The following RFX3 variants were observed in gnomAD, a reference collection of about 807,000 sequenced individuals.
RFX3 encodes transcription factor RFX3.
RFX3 carries 14 observed loss-of-function variants against 98.6 expected under a neutral mutation model. The ratio of observed to expected loss-of-function variants is 0.14; its 90% CI spans 0.09 to 0.22. The LOEUF is 0.22. Among genes scored for constraint, RFX3 ranks in the 10% least tolerant of loss-of-function variants. The pLI is 1.00. For missense variants in RFX3, 639 were observed against 926.9 expected, an observed-to-expected ratio of 0.69 and a Z score of 4.03; for synonymous variants, 383 against 328.4, an observed-to-expected ratio of 1.17 and a Z score of -1.80.
At chr9:3,288,042 T>A (rs1203253088) in intron 7 of RFX3, 89 bp downstream of exon 7, 1 of 1,214,446 alleles carries the variant, frequency 8.2e-7, no homozygotes, top group Admixed American at 2.0e-5. Flanking sequence ...AACGTTCTTT[T>A]ATACTTAGGT....
intron 1 of RFX3, among the ~76,000 whole-genome samples, chr9:3,465,507 T>G (rs1241824040): frequency 6.6e-6 from 1 of 151,092 alleles, no homozygotes; most frequent in Non-Finnish European, 1.5e-5. Context: ...TCTCACCATT[T>G]TAGCCAGCCT....
At chr9:3,524,812 C>A (rs556943754) in intron 1 of RFX3, among the ~76,000 whole-genome samples, 1 of 143,784 alleles carries the variant, frequency 7.0e-6, no homozygotes, top group Admixed American at 7.2e-5. Flanking sequence ...GCCCTGCATC[C>A]GGTTTAAATC....
chr9:3,227,259 T>G (rs1817885407), intron 16 of RFX3, among the ~76,000 whole-genome samples: 1 of 152,174 alleles, frequency 6.6e-6, no homozygotes, highest in Admixed American at 6.5e-5. Flanking sequence ...CCTCTGTCTA[T>G]TTTGTTGTGG....
At chr9:3,469,171 GA>G (rs751582670) in intron 1 of RFX3, 21 of 455,314 alleles carry the variant, frequency 4.6e-5, no homozygotes, top group South Asian at 3.3e-4. Context: ...GAGAAAGAAA[GA>G]AATACATGTC....
chr9:3,347,000 A>G (rs1834507703), intron 2 of RFX3, among the ~76,000 whole-genome samples: 1 of 152,222 alleles, frequency 6.6e-6, no homozygotes, highest in South Asian at 2.1e-4. Flanking sequence ...ATGTATAGAC[A>G]CATTTCAACT....
intron 1 of RFX3, among the ~76,000 whole-genome samples, chr9:3,522,891 G>A (rs1012481619): frequency 6.6e-6 from 1 of 152,100 alleles, no homozygotes; most frequent in African/African-American, 2.4e-5. Flanking sequence ...AAAATAAACT[G>A]TTCCAGGTTA....
chr9:3,519,887 T>C (rs971220950), intron 1 of RFX3, among the ~76,000 whole-genome samples: 1 of 151,750 alleles, frequency 6.6e-6, no homozygotes, highest in African/African-American at 2.4e-5. Context: ...CTATAAAGTA[T>C]ACTTTCAAAA....
chr9:3,337,054 G>A (rs541715249), intron 3 of RFX3, among the ~76,000 whole-genome samples: 3 of 152,144 alleles, frequency 2.0e-5, no homozygotes, highest in Non-Finnish European at 4.4e-5. Context: ...ATTTTGATTT[G>A]GGCTGGGATA....
intron 2 of RFX3, among the ~76,000 whole-genome samples, chr9:3,369,791 G>A (rs1209002660): frequency 6.6e-6 from 1 of 152,062 alleles, no homozygotes; most frequent in Admixed American, 6.5e-5. Context: ...AATTAATGAC[G>A]AATTAGATTT....
At chr9:3,406,712 A>T (rs958653017) in intron 1 of RFX3, among the ~76,000 whole-genome samples, 3 of 152,138 alleles carry the variant, frequency 2.0e-5, no homozygotes, top group African/African-American at 7.2e-5. Context: ...AATTTTTTAA[A>T]ATTCTACATA....
chr9:3,312,062 T>C (rs1830025169), intron 4 of RFX3, among the ~76,000 whole-genome samples: 1 of 152,216 alleles, frequency 6.6e-6, no homozygotes, highest in Non-Finnish European at 1.5e-5. Flanking sequence ...ATAATGTAGG[T>C]ACTGACCAGC....
In RFX3 at chr9:3,496,083, T is replaced by C. The variant is rs944390323; in HGVS notation, c.-9+29664A>G. On this transcript the variant is annotated intron_variant, in intron 1 of 16. Transcript: ENST00000617270. ...GCTATATTCATTTTCAGTTCTCTTA[T>C]ATCAACATTGTAAGGTGCTTACACA... 7.9e-5 allele frequency among the ~76,000 whole-genome samples: 12 copies of C among 152,166 alleles called. No homozygotes were observed. The East Asian group carries it at 1.2e-3, about 15-fold the overall frequency.
At chr9:3,401,166 C>A (rs765106840) in intron 1 of RFX3, among the ~76,000 whole-genome samples, 2 of 152,158 alleles carry the variant, frequency 1.3e-5, no homozygotes, top group Non-Finnish European at 2.9e-5. Context: ...CCAACTAATA[C>A]GTATTTTTCC....
At chr9:3,459,429 T>C (rs1847484973) in intron 1 of RFX3, among the ~76,000 whole-genome samples, 1 of 152,132 alleles carries the variant, frequency 6.6e-6, no homozygotes, top group African/African-American at 2.4e-5. Context: ...GACAAGATCC[T>C]ACTGATTAAA....
chr9:3,329,908 C>A (rs1252578457), intron 4 of RFX3, among the ~76,000 whole-genome samples: 1 of 152,066 alleles, frequency 6.6e-6, no homozygotes, highest in Non-Finnish European at 1.5e-5. Flanking sequence ...TACTGCCTGG[C>A]TTTTATCTCA....
At chr9:3,443,004 T>G (rs896781558) in intron 1 of RFX3, among the ~76,000 whole-genome samples, 1 of 152,048 alleles carries the variant, frequency 6.6e-6, no homozygotes, top group Non-Finnish European at 1.5e-5. Context: ...TCCATAAATG[T>G]AAAGAACTCT....
At chr9:3,463,580 A>G (rs1174080372) in intron 1 of RFX3, among the ~76,000 whole-genome samples, 1 of 152,192 alleles carries the variant, frequency 6.6e-6, no homozygotes, top group African/African-American at 2.4e-5. Context: ...CTTGGAAAAA[A>G]AAAAATTGGA....
Position 3,225,018 on chromosome 9 carries a change from T to C in RFX3, c.*24A>G, listed in dbSNP as rs772965815. ...CAATATCAACAGGGTTAATGTAAGC[T>C]GGAAAAATACGCTTTAATATTCTTT... On this transcript the variant is annotated 3_prime_UTR_variant, in exon 17 of 17. Coordinates refer to ENST00000617270, the MANE Select transcript of RFX3 (RefSeq NM_001282116.2). 15 of 1,608,302 alleles carry C rather than the reference T, an allele frequency of 9.3e-6. No individual in the cohort carries two copies. In the Admixed American group the frequency reaches 2.5e-4, roughly 27 times the overall value.
At chr9:3,301,051 G>A (rs964531503) in intron 5 of RFX3, among the ~76,000 whole-genome samples, 2 of 151,690 alleles carry the variant, frequency 1.3e-5, no homozygotes, top group Admixed American at 6.6e-5. Flanking sequence ...CAACTATGGG[G>A]TTGTTTACTG....
Sources: gnomAD v4.1 joint callset for allele counts (sites outside exome capture counted in the v4.1 genomes callset) on GRCh38, gnomAD v4.1.1 for gene constraint, MANE v1.5 for transcripts, NCBI Gene and HGNC (gene_info 2026-07-23, HGNC 2026-07-21) for gene names.